Variants in MTMR2 observed in about 807,000 individuals in gnomAD.
The protein encoded by MTMR2 is phosphatidylinositol-3,5-bisphosphate 3-phosphatase MTMR2.
A neutral mutation model predicts 86.9 loss-of-function variants in MTMR2; 55 were observed. The ratio of observed to expected loss-of-function variants is 0.63; its 90% confidence interval spans 0.51 to 0.79. The LOEUF is 0.79. Among genes scored for constraint, MTMR2 ranks in the 30% least tolerant of loss-of-function variants. The probability of loss-of-function intolerance (pLI) is 0.00; values close to 1 mark genes in which losing one functional copy is unlikely to be tolerated. For missense variants in MTMR2, 659 were observed against 772.3 expected (o/e 0.85, Z 1.74); for synonymous variants, 241 against 266.8 (o/e 0.90, Z 0.94).
chr11:95,918,314 C>T (rs761747483), intron 1 of MTMR2, among the ~76,000 whole-genome samples: 1 of 152,060 alleles, frequency 6.6e-6, no homozygotes. Context: ...AAGGTAGGGC[C>T]CAAGAATTTG....
chr11:95,838,288 G>C, intron 12 of MTMR2, 81 bp from the exon 13 acceptor site: 2 of 792,038 alleles, frequency 2.5e-6, no homozygotes, highest in Non-Finnish European at 4.5e-6. Context: ...ATCCTTTTGA[G>C]GTAGTATTTA....
At chr11:95,885,751 C>G (rs1383756745) in intron 2 of MTMR2, among the ~76,000 whole-genome samples, 1 of 150,536 alleles carries the variant, frequency 6.6e-6, no homozygotes, top group East Asian at 1.9e-4. Flanking sequence ...CTGTGCATAG[C>G]AACTTCTTTC....
rs1863156184 is a variant in MTMR2, at chr11:95,834,296, T to C, written c.*994A>G. On this transcript the variant is annotated 3_prime_UTR_variant, in exon 15 of 15. Transcript: ENST00000346299. The stretch of plus-strand genomic sequence containing the variant: ...GGCTTTGAGATTGTAATACATCTTT[T>C]ACATGCAGTGTGTTCTTTGGTAGAC... 6.6e-6 allele frequency: 1 copy of C among 152,528 alleles called. No homozygotes were observed. Among genetic ancestry groups the C allele is most frequent in the South Asian group, 2.1e-4 (1 of 4,834 alleles). The allele number at this position is 152,528 out of a possible 1,614,324, so 9.4% of individuals were successfully genotyped here. A position where few individuals can be genotyped will look rare whatever the true frequency, so the allele number is the denominator to read the frequency against.
chr11:95,884,532 CCTTT>C (rs759116221), intron 2 of MTMR2, among the ~76,000 whole-genome samples: 114 of 152,260 alleles, frequency 7.5e-4, no homozygotes, highest in Non-Finnish European at 1.2e-3. Flanking sequence ...TTTCATTCAC[CCTTT>C]CTGACTGTCA....
chr11:95,899,197 T>C (rs1865985484), intron 1 of MTMR2, among the ~76,000 whole-genome samples: 1 of 151,998 alleles, frequency 6.6e-6, no homozygotes, highest in South Asian at 2.1e-4. Flanking sequence ...GCAATAAAAA[T>C]AAAATAGGAG....
At chr11:95,876,467 A>G (rs1054968286) in intron 2 of MTMR2, among the ~76,000 whole-genome samples, 10 of 152,322 alleles carry the variant, frequency 6.6e-5, no homozygotes, top group African/African-American at 2.4e-4. Context: ...TAATGTTACT[A>G]ACTGGCTAGC....
intron 4 of MTMR2, 46 bp downstream of exon 4, chr11:95,862,226 C>T: frequency 6.7e-7 from 1 of 1,491,926 alleles, no homozygotes. Context: ...AAACTAGCTA[C>T]AAACAACACA....
intron 12 of MTMR2, 127 bp downstream of exon 12, chr11:95,841,490 C>T (rs1030516625): frequency 3.9e-6 from 3 of 775,314 alleles, no homozygotes; most frequent in Non-Finnish European, 7.0e-6. Flanking sequence ...ATAGCTCTCA[C>T]ATGGACATGG....
In MTMR2 at chr11:95,845,015, T is replaced by C; in HGVS notation, c.1324A>G (p.Ile442Val). Reference protein sequence around the residue: ...MLMLDGYYRTIRGFEVLVEKE... With the variant: ...MLMLDGYYRTVRGFEVLVEKE... ...TCCACAAGGACTTCAAATCCTCGGA[T>C]GGTTCGATAGTATCCATCCAACATG... The change falls in exon 11 of 15, where the codon ATC becomes GTC. Residue 442 changes from isoleucine (I) to valine (V), a missense_variant. Transcript: ENST00000346299. 1 of 1,613,988 alleles carries C rather than the reference T, an allele frequency of 6.2e-7. No homozygotes were observed. Among genetic ancestry groups the C allele is most frequent in the Non-Finnish European group, 8.5e-7 (1 of 1,179,886 alleles).
rs78743881 is a variant in MTMR2 at position 95,867,507 on chromosome 11, T to C, written c.187-1831A>G. Among the ~76,000 whole-genome samples the C allele has an allele frequency of 1.9e-3, 284 of 152,268 alleles. 2 individuals are homozygous for C. The highest frequency in any genetic ancestry group is 6.7e-3 in the African/African-American group (279 of 41,566). On this transcript the variant is annotated intron_variant, in intron 2 of 14. Transcript: ENST00000346299. ...AGCAGCACACTTTGAGAACCACACA[T>C]AGGCTTTCTTATATTCTCTCTGACC...
intron 2 of MTMR2, among the ~76,000 whole-genome samples, chr11:95,869,242 A>T (rs1864759009): frequency 6.6e-6 from 1 of 152,100 alleles, no homozygotes; most frequent in African/African-American, 2.4e-5. Context: ...AATGAAAAAA[A>T]AAAAAAATAC....
rs990972843 is a variant in MTMR2 at position 95,911,583 on chromosome 11, G to A, written c.80+12292C>T. 5.9e-5 allele frequency among the ~76,000 whole-genome samples: 9 copies of A among 152,158 alleles called. No individual in the cohort carries two copies. In the East Asian group the frequency reaches 9.6e-4, roughly 16 times the overall value. The stretch of plus-strand genomic sequence containing the variant: ...TCTCAGAATCTCTTCAAAAACCTCC[G>A]ATTCAAATTCAGATGACAGCTCAAA... On this transcript the variant is annotated intron_variant, in intron 1 of 14. Coordinates refer to ENST00000346299, the MANE Select transcript of MTMR2 (RefSeq NM_016156.6).
intron 13 of MTMR2, among the ~76,000 whole-genome samples, chr11:95,837,703 A>C (rs1479195925): frequency 6.6e-6 from 1 of 152,098 alleles, no homozygotes; most frequent in Non-Finnish European, 1.5e-5. Context: ...TAAGTAGGAT[A>C]TACTTGGGAA....
intron 1 of MTMR2, among the ~76,000 whole-genome samples, chr11:95,899,239 G>C (rs761168543): frequency 6.6e-6 from 1 of 152,054 alleles, no homozygotes; most frequent in African/African-American, 2.4e-5. Flanking sequence ...AAACAGAATA[G>C]AATTTAGCAG....
At chr11:95,910,153 CATG>C in intron 1 of MTMR2, among the ~76,000 whole-genome samples, 2 of 148,704 alleles carry the variant, frequency 1.3e-5, no homozygotes, top group Non-Finnish European at 3.0e-5. Flanking sequence ...ACACACCCTA[CATG>C]ATTTTTTATA....
intron 2 of MTMR2, among the ~76,000 whole-genome samples, chr11:95,873,757 C>T (rs1242685126): frequency 2.0e-5 from 3 of 151,738 alleles, no homozygotes; most frequent in African/African-American, 7.3e-5. Context: ...CCTCTACACA[C>T]TGCTTTGAAT....
At chr11:95,855,260 TTTAC>T (rs754062749) in intron 7 of MTMR2, among the ~76,000 whole-genome samples, 2 of 146,724 alleles carry the variant, frequency 1.4e-5, no homozygotes, top group Non-Finnish European at 3.0e-5. Flanking sequence ...TTTTTATTTA[TTTAC>T]TTATTTTTTG....
chr11:95,864,149 A>G (rs539013395), intron 3 of MTMR2, among the ~76,000 whole-genome samples: 1 of 152,252 alleles, frequency 6.6e-6, no homozygotes, highest in African/African-American at 2.4e-5. Flanking sequence ...TTTAAGATAG[A>G]GGCATTTGTT....
At chr11:95,862,415 A>C in intron 3 of MTMR2, 49 bp from the exon 4 acceptor site, 1 of 1,335,578 alleles carries the variant, frequency 7.5e-7, no homozygotes, top group Non-Finnish European at 1.1e-6. Flanking sequence ...GTGCTATTAA[A>C]ACCTGCTATC....
Sources: gnomAD v4.1 joint callset for allele counts (sites outside exome capture counted in the v4.1 genomes callset) on GRCh38, gnomAD v4.1.1 for gene constraint, MANE v1.5 for transcripts, NCBI Gene and HGNC (gene_info 2026-07-23, HGNC 2026-07-21) for gene names.